PCDHA11: variants seen among roughly 807,000 people sequenced by gnomAD.
PCDHA11 encodes protocadherin alpha 11.
A neutral mutation model predicts 70.3 loss-of-function variants in PCDHA11; 61 were observed. That is an observed-to-expected ratio of 0.87 (90% confidence interval 0.71 to 1.07). The LOEUF is 1.07. Ranked by LOEUF, PCDHA11 falls within the 50% of genes least tolerant of loss-of-function variation. The pLI, the probability that PCDHA11 is intolerant of heterozygous loss-of-function variation, is 0.00. For synonymous variants in PCDHA11, 633 were observed against 555.1 expected (o/e 1.14, Z -1.97); for missense variants, 1,324 against 1,237.5 (o/e 1.07, Z -1.05).
intron 1 of PCDHA11, among the ~76,000 whole-genome samples, chr5:140,961,654 T>G (rs1554225528): frequency 6.6e-6 from 1 of 152,194 alleles, no homozygotes; most frequent in East Asian, 1.9e-4. Context: ...TGTGGTTAGT[T>G]TGAAGTTACC....
intron 1 of PCDHA11, among the ~76,000 whole-genome samples, chr5:140,886,020 A>G (rs1402901328): frequency 2.0e-5 from 3 of 152,182 alleles, no homozygotes; most frequent in African/African-American, 7.2e-5. Flanking sequence ...GATGCTATGT[A>G]TTCTTCACTA....
chr5:140,883,546 C>T (rs782071318), intron 1 of PCDHA11: 3 of 1,614,200 alleles, frequency 1.9e-6, no homozygotes, highest in Non-Finnish European at 1.7e-6. Flanking sequence ...TGGTGGTGAC[C>T]GCGCGGGACG....
At chr5:140,991,595 C>G (rs181014489) in intron 3 of PCDHA11, among the ~76,000 whole-genome samples, 1 of 152,328 alleles carries the variant, frequency 6.6e-6, no homozygotes, top group African/African-American at 2.4e-5. Flanking sequence ...TACCTGAGCC[C>G]TCACTGGCAG....
chr5:140,909,280 T>C (rs1353122604), intron 1 of PCDHA11, among the ~76,000 whole-genome samples: 3 of 152,212 alleles, frequency 2.0e-5, no homozygotes, highest in African/African-American at 7.2e-5. Flanking sequence ...TTGCTTCTGG[T>C]GGGCCTTATG....
Position 140,870,194 on chromosome 5 carries a change from C to G in PCDHA11, c.1091C>G (p.Pro364Arg). Reference sequence around the variant, plus strand: ...CTCCCAGTACGAGAGGACGCTCAGCCCAGCACGGTCATTGCCCTGATCAGC... The same window carrying G: ...CTCCCAGTACGAGAGGACGCTCAGCGCAGCACGGTCATTGCCCTGATCAGC... Reference protein sequence around the residue: ...LSLPVREDAQPSTVIALISVS... With the variant: ...LSLPVREDAQRSTVIALISVS... Residue 364 changes from proline to arginine, a missense_variant, in exon 1 of 4, where the codon CCC (proline) becomes CGC (arginine). By Grantham distance (103) the Pro-to-Arg change is moderately radical. Coordinates refer to ENST00000398640, the MANE Select transcript of PCDHA11 (RefSeq NM_018902.5). 6.2e-7 allele frequency: 1 copy of G among 1,614,168 alleles called. No homozygotes were observed. The highest frequency in any genetic ancestry group is 8.5e-7 in the Non-Finnish European group (1 of 1,180,046).
chr5:140,911,915 G>A (rs553932242), intron 1 of PCDHA11, among the ~76,000 whole-genome samples: 3 of 152,226 alleles, frequency 2.0e-5, no homozygotes, highest in African/African-American at 7.2e-5. Flanking sequence ...CTCTCTAGAG[G>A]ACAGAACTAA....
intron 1 of PCDHA11, among the ~76,000 whole-genome samples, chr5:140,940,745 T>C (rs1554213585): frequency 6.6e-6 from 1 of 152,260 alleles, no homozygotes; most frequent in Non-Finnish European, 1.5e-5. Flanking sequence ...CATATTTTTA[T>C]GTGTGCCAAC....
At position 140,870,500 on chromosome 5, in the gene PCDHA11, A is replaced by G; in HGVS notation, c.1397A>G (p.Asn466Ser). ...GAGTACACCGTGTTCGTGAAGGAGA[A>G]CAACCCACCAGGCTGCCACATCTTC... ...QPEYTVFVKENNPPGCHIFTV... is the reference protein window; with the variant it reads ...QPEYTVFVKESNPPGCHIFTV... Residue 466 changes from asparagine (N) to serine (S), a missense_variant, in exon 1 of 4, where the codon AAC becomes AGC. Physicochemically the swap from Asn to Ser is conservative, Grantham distance 46 (BLOSUM62 1). Transcript: ENST00000398640. 1.2e-6 allele frequency: 2 copies of G among 1,614,228 alleles called. No homozygotes were observed. Among genetic ancestry groups the G allele is most frequent in the East Asian group, 2.2e-5 (1 of 44,882 alleles).
At chr5:141,007,459 T>A (rs1323177537) in intron 3 of PCDHA11, among the ~76,000 whole-genome samples, 1 of 149,426 alleles carries the variant, frequency 6.7e-6, no homozygotes, top group Non-Finnish European at 1.5e-5. Context: ...TCCCAGCTAC[T>A]CAGGAGGCTG....
intron 1 of PCDHA11, chr5:140,882,412 C>A: frequency 6.2e-7 from 1 of 1,614,138 alleles, no homozygotes; most frequent in Non-Finnish European, 8.5e-7. Context: ...TGGGCCGCAT[C>A]GCTCAGGACC....
chr5:140,996,283 C>T (rs2097719869), intron 3 of PCDHA11, among the ~76,000 whole-genome samples: 1 of 152,172 alleles, frequency 6.6e-6, no homozygotes, highest in African/African-American at 2.4e-5. Context: ...TGCCAAATTT[C>T]AAGAAGCACA....
chr5:140,960,606 T>C (rs565459983), intron 1 of PCDHA11, among the ~76,000 whole-genome samples: 2 of 152,176 alleles, frequency 1.3e-5, no homozygotes, highest in African/African-American at 4.8e-5. Context: ...ACTTCAACAA[T>C]ATCTAGTGTG....
intron 3 of PCDHA11, among the ~76,000 whole-genome samples, chr5:141,003,860 G>T (rs1224171720): frequency 6.6e-6 from 1 of 152,136 alleles, no homozygotes; most frequent in African/African-American, 2.4e-5. Flanking sequence ...ATTTATATGT[G>T]TCTGAAATCC....
At chr5:140,987,560 G>A (rs2097259227) in intron 3 of PCDHA11, among the ~76,000 whole-genome samples, 36 of 152,130 alleles carry the variant, frequency 2.4e-4, no homozygotes, top group Admixed American at 2.4e-3. Flanking sequence ...CTGATTCTCA[G>A]TTTCTTTCTC....
At chr5:140,973,870 T>A (rs2153801427) in intron 1 of PCDHA11, among the ~76,000 whole-genome samples, 1 of 152,264 alleles carries the variant, frequency 6.6e-6, no homozygotes. Flanking sequence ...CAATGAGAGG[T>A]CAGAATAATG....
intron 1 of PCDHA11, chr5:140,877,047 C>A (rs372059660): frequency 3.3e-5 from 53 of 1,612,564 alleles, no homozygotes; most frequent in Non-Finnish European, 4.3e-5. Flanking sequence ...CGCTAGACCA[C>A]GAGGAGCTGG....
Position 140,884,639 on chromosome 5 carries a change from G to A in PCDHA11, c.2391+13145G>A, listed in dbSNP as rs781835096. ...TGCAGAGGGAACAGGCCAGAGGGAG[G>A]AGGACTCAGAATGCTTGAAAGAGGT... On this transcript the variant is annotated intron_variant, in intron 1 of 3. Coordinates refer to ENST00000398640, the MANE Select transcript of PCDHA11 (RefSeq NM_018902.5). 55 of 1,610,606 alleles carry A rather than the reference G, an allele frequency of 3.4e-5. No homozygotes were observed. The South Asian group carries it at 5.6e-4, about 16-fold the overall frequency.
At chr5:140,965,103 A>G (rs1453303865) in intron 1 of PCDHA11, among the ~76,000 whole-genome samples, 1 of 152,234 alleles carries the variant, frequency 6.6e-6, no homozygotes, top group Non-Finnish European at 1.5e-5. Context: ...TAGCTAGAAA[A>G]TGACCCATAG....
intron 1 of PCDHA11, among the ~76,000 whole-genome samples, chr5:140,956,676 G>A (rs1281224695): frequency 5.3e-5 from 8 of 152,126 alleles, no homozygotes; most frequent in Admixed American, 2.0e-4. Flanking sequence ...GAGTTAGGGA[G>A]GAGTACCTCC....
Sources: gnomAD v4.1 joint callset for allele counts (sites outside exome capture counted in the v4.1 genomes callset) on GRCh38, gnomAD v4.1.1 for gene constraint, MANE v1.5 for transcripts, NCBI Gene and HGNC (gene_info 2026-07-23, HGNC 2026-07-21) for gene names.